Variants in BMAL2 observed in about 807,000 individuals in gnomAD.
BMAL2 encodes basic helix-loop-helix ARNT-like protein 2.
chr12:27,360,834 A>G, the BMAL2 span, among the ~76,000 whole-genome samples: 6 of 145,578 alleles, frequency 4.1e-5, no homozygotes, highest in Non-Finnish European at 7.5e-5. Flanking sequence ...AACAGTACTA[A>G]CAAGGTAGTG....
chr12:27,418,426 C>A, the BMAL2 span, among the ~76,000 whole-genome samples: 2 of 150,938 alleles, frequency 1.3e-5, no homozygotes, highest in East Asian at 1.9e-4. Context: ...ATAGCAATAA[C>A]CCATCCCTAC....
chr12:27,345,748 C>G, the BMAL2 span, among the ~76,000 whole-genome samples: 1 of 152,136 alleles, frequency 6.6e-6, no homozygotes, highest in Non-Finnish European at 1.5e-5. Context: ...AGCTATCTGC[C>G]CATCTGGGCT....
chr12:27,341,193 AGGG>A, the BMAL2 span, among the ~76,000 whole-genome samples: 1 of 149,034 alleles, frequency 6.7e-6, no homozygotes, highest in East Asian at 1.9e-4. Flanking sequence ...CCAGTTTTCA[AGGG>A]GAATGCTGCC....
chr12:27,341,521 C>G, the BMAL2 span, among the ~76,000 whole-genome samples: 2 of 152,278 alleles, frequency 1.3e-5, no homozygotes, highest in South Asian at 4.2e-4. Context: ...GTTAGCGCAG[C>G]TACTTATCTC....
At chr12:27,361,948 T>A in the BMAL2 span, among the ~76,000 whole-genome samples, 1 of 152,098 alleles carries the variant, frequency 6.6e-6, no homozygotes, top group Non-Finnish European at 1.5e-5. Context: ...CTAAAGATAA[T>A]TCACATTCCT....
the BMAL2 span, among the ~76,000 whole-genome samples, chr12:27,365,551 A>G: frequency 6.6e-6 from 1 of 152,000 alleles, no homozygotes; most frequent in South Asian, 2.1e-4. Context: ...AGTTTGTGTA[A>G]GGAAGAATAT....
the BMAL2 span, chr12:27,420,740 T>G: frequency 2.1e-6 from 1 of 477,690 alleles, no homozygotes; most frequent in Non-Finnish European, 3.4e-6. Flanking sequence ...ATAGACTCCT[T>G]TATTCAGTGA....
the BMAL2 span, among the ~76,000 whole-genome samples, chr12:27,373,556 T>C: frequency 6.6e-6 from 1 of 152,024 alleles, no homozygotes; most frequent in African/African-American, 2.4e-5. Flanking sequence ...GAGGATATAC[T>C]CTGGGGGTGC....
chr12:27,399,645 A>T, the BMAL2 span, among the ~76,000 whole-genome samples: 1 of 152,238 alleles, frequency 6.6e-6, no homozygotes, highest in African/African-American at 2.4e-5. Flanking sequence ...AATTTAAAGG[A>T]TTTATTGTAA....
chr12:27,385,307 C>G, the BMAL2 span, among the ~76,000 whole-genome samples: 1 of 151,846 alleles, frequency 6.6e-6, no homozygotes, highest in Admixed American at 6.6e-5. Flanking sequence ...GAGTAAGACT[C>G]TGTCTCAAAA....
chr12:27,385,758 A>C, the BMAL2 span, among the ~76,000 whole-genome samples: 1 of 152,200 alleles, frequency 6.6e-6, no homozygotes, highest in Non-Finnish European at 1.5e-5. Context: ...GAGACAGAGG[A>C]TAGGCACTTT....
chr12:27,340,897 G>A, the BMAL2 span, among the ~76,000 whole-genome samples: 1 of 151,998 alleles, frequency 6.6e-6, no homozygotes, highest in Admixed American at 6.6e-5. Context: ...TGCCTGATTT[G>A]GCTCTCAGCT....
At chr12:27,354,698 A>G in the BMAL2 span, among the ~76,000 whole-genome samples, 1 of 152,198 alleles carries the variant, frequency 6.6e-6, no homozygotes, top group Non-Finnish European at 1.5e-5. Flanking sequence ...TGACTTCCAT[A>G]TTTACGCTTG....
At chr12:27,403,257 C>T in the BMAL2 span, among the ~76,000 whole-genome samples, 3 of 152,162 alleles carry the variant, frequency 2.0e-5, no homozygotes, top group Non-Finnish European at 2.9e-5. Flanking sequence ...CCCTCAGTGA[C>T]TCTACACATT....
the BMAL2 span, among the ~76,000 whole-genome samples, chr12:27,410,505 A>C: frequency 6.6e-6 from 1 of 152,156 alleles, no homozygotes; most frequent in Non-Finnish European, 1.5e-5. Context: ...ACAAAAAACC[A>C]AACACCGCAT....
the BMAL2 span, among the ~76,000 whole-genome samples, chr12:27,338,508 A>G: frequency 1.3e-5 from 2 of 152,068 alleles, no homozygotes; most frequent in South Asian, 2.1e-4. Flanking sequence ...CTTCCAGGGA[A>G]CAGAGTAGGC....
chr12:27,352,308 G>A, the BMAL2 span, among the ~76,000 whole-genome samples: 2 of 152,210 alleles, frequency 1.3e-5, no homozygotes, highest in Non-Finnish European at 2.9e-5. Context: ...AACTTTTTGA[G>A]TACTGGCATG....
the BMAL2 span, among the ~76,000 whole-genome samples, chr12:27,411,914 G>A: frequency 6.6e-6 from 1 of 152,002 alleles, no homozygotes; most frequent in Admixed American, 6.6e-5. Context: ...CCAAGAAATG[G>A]TTGCCAAATC....
At chr12:27,333,022 CCTCCATG>C in the BMAL2 span, 1 of 1,181,806 alleles carries the variant, frequency 8.5e-7, no homozygotes, top group Non-Finnish European at 1.0e-6. Flanking sequence ...GCCCGGGGCT[CCTCCATG>C]CTGCCAGCCG....
Sources: gnomAD v4.1 joint callset for allele counts (sites outside exome capture counted in the v4.1 genomes callset) on GRCh38, gnomAD v4.1.1 for gene constraint, MANE v1.5 for transcripts, NCBI Gene and HGNC (gene_info 2026-07-23, HGNC 2026-07-21) for gene names.